RASSF3: variants seen among roughly 807,000 people sequenced by gnomAD.
RASSF3 encodes the protein Ras association domain family member 3.
Under a neutral mutation model 19.9 loss-of-function variants are expected in RASSF3, and 19 were observed. The ratio of observed to expected loss-of-function variants is 0.96; its 90% CI spans 0.67 to 1.40. The LOEUF is 1.40. RASSF3 is among the 40% of genes most tolerant of loss of function. The probability of loss-of-function intolerance (pLI) is 0.00; values close to 1 mark genes in which losing one functional copy is unlikely to be tolerated. For synonymous variants in RASSF3, 110 were observed against 104.2 expected (o/e 1.06, Z -0.34); for missense variants, 306 against 289.8 (o/e 1.06, Z -0.41).
chr12:64,677,758 A>G (rs1299074382), intron 1 of RASSF3, among the ~76,000 whole-genome samples: 1 of 152,216 alleles, frequency 6.6e-6, no homozygotes, highest in Admixed American at 6.5e-5. Context: ...TCTGTGTGAC[A>G]GTTCTCTTTG....
At chr12:64,691,225 A>G (rs1350261779) in intron 3 of RASSF3, among the ~76,000 whole-genome samples, 1 of 152,240 alleles carries the variant, frequency 6.6e-6, no homozygotes, top group Non-Finnish European at 1.5e-5. Context: ...ACTAATATCT[A>G]TTAAAATTTA....
At chr12:64,659,950 ACGTGTGTG>A (rs1347000025) in intron 1 of RASSF3, among the ~76,000 whole-genome samples, 26 of 103,800 alleles carry the variant, frequency 2.5e-4, no homozygotes, top group African/African-American at 8.7e-4. Context: ...TTCATCTAAT[ACGTGTGTG>A]TGTGTGTGTG....
At chr12:64,621,508 G>C (rs533346200) in intron 1 of RASSF3, among the ~76,000 whole-genome samples, 2 of 151,730 alleles carry the variant, frequency 1.3e-5, no homozygotes, top group South Asian at 4.2e-4. Context: ...ATGGAGTTTC[G>C]GTCATGTTGC....
At chr12:64,584,724 G>C (rs1026598235) in intron 2 of RASSF3, among the ~76,000 whole-genome samples, 16 of 151,940 alleles carry the variant, frequency 1.1e-4, no homozygotes, top group African/African-American at 3.9e-4. Flanking sequence ...AGTGGTTAGG[G>C]AGAGGCCTCA....
chr12:64,552,406 G>T (rs1362086353), intron 2 of RASSF3, among the ~76,000 whole-genome samples: 1 of 152,048 alleles, frequency 6.6e-6, no homozygotes, highest in African/African-American at 2.4e-5. Context: ...ACATGTGCAG[G>T]ATGTGCAGAT....
intron 3 of RASSF3, 62 bp from the exon 4 acceptor site, chr12:64,691,408 T>G: frequency 9.1e-7 from 1 of 1,104,516 alleles, no homozygotes; most frequent in Non-Finnish European, 1.4e-6. Flanking sequence ...GGGATCACAA[T>G]GGGGAAGTGG....
intron 2 of RASSF3, among the ~76,000 whole-genome samples, chr12:64,563,310 G>T (rs565378691): frequency 1.3e-5 from 2 of 151,900 alleles, no homozygotes; most frequent in Non-Finnish European, 2.9e-5. Flanking sequence ...GGGATTACAG[G>T]CACCTGCCAC....
chr12:64,632,428 C>T (rs1294216590), intron 1 of RASSF3, among the ~76,000 whole-genome samples: 1 of 151,990 alleles, frequency 6.6e-6, no homozygotes, highest in East Asian at 1.9e-4. Context: ...GTTTAGAGGG[C>T]AAGAGGGGTA....
chr12:64,591,905 TG>T (rs1869929854), intron 2 of RASSF3, among the ~76,000 whole-genome samples: 1 of 148,854 alleles, frequency 6.7e-6, no homozygotes, highest in Admixed American at 6.6e-5. Context: ...CTTCGGTTGC[TG>T]TTTTTTTTTT....
downstream of RASSF3, among the ~76,000 whole-genome samples, chr12:64,546,636 C>CT (rs1565836824): frequency 1.3e-5 from 2 of 152,300 alleles, no homozygotes; most frequent in African/African-American, 4.8e-5. Flanking sequence ...CTGCACTTAA[C>CT]TTTTTTTCTT....
chr12:64,550,838 G>A (rs201202042), intron 2 of RASSF3, among the ~76,000 whole-genome samples: 41,742 of 110,802 alleles, frequency 0.38, 8,750 homozygotes, highest in East Asian at 0.67. Context: ...AAAAAAGAAA[G>A]AAAGAAAGGA....
Position 64,516,899 on chromosome 12 carries a change from G to A in RASSF3, c.169+9570G>A, listed in dbSNP as rs11175427. On this transcript the variant is annotated intron_variant, in intron 1 of 5. Coordinates refer to the RASSF3 transcript ENST00000637125. ...CTGTAATCCCAGCTACTCCGCAGGC[G>A]GAGGCAGGAGAATCAATTGAACCTG... Among the ~76,000 whole-genome samples the A allele has an allele frequency of 2.0e-5, 3 of 149,944 alleles. No homozygotes were observed. In the East Asian group the frequency reaches 5.9e-4, roughly 30 times the overall value.
intron 1 of RASSF3, among the ~76,000 whole-genome samples, chr12:64,680,903 C>T (rs982094657): frequency 2.6e-5 from 4 of 152,110 alleles, no homozygotes; most frequent in South Asian, 2.1e-4. Flanking sequence ...TGAGCCACCG[C>T]GCCCAGCCAG....
chr12:64,689,295 G>GT (rs1756289949), intron 3 of RASSF3, among the ~76,000 whole-genome samples: 1 of 151,748 alleles, frequency 6.6e-6, no homozygotes, highest in South Asian at 2.1e-4. Flanking sequence ...AAAGCCTAAT[G>GT]TAGCTATAGA....
In RASSF3 at chr12:64,586,669, T is replaced by A. The variant is rs531299292; in HGVS notation, c.294+44964T>A. ...CAGGCATTATGGCTCACGCCTGTAATCCCAGCACTTTGGGAGGCCGAGGCA... is the reference window on the plus strand; with the variant it reads ...CAGGCATTATGGCTCACGCCTGTAAACCCAGCACTTTGGGAGGCCGAGGCA... On this transcript the variant is annotated intron_variant, in intron 2 of 5. Transcript: ENST00000637125. Among the ~76,000 whole-genome samples the A allele has an allele frequency of 4.6e-5, 7 of 152,158 alleles. No individual in the cohort carries two copies. The East Asian group carries it at 1.2e-3, about 25-fold the overall frequency.
At chr12:64,542,424 A>G (rs745569336), downstream of RASSF3, among the ~76,000 whole-genome samples, 1 of 152,226 alleles carries the variant, frequency 6.6e-6, no homozygotes, top group African/African-American at 2.4e-5. Context: ...CAACTGGTAG[A>G]ACTAGTAGAT....
intron 2 of RASSF3, among the ~76,000 whole-genome samples, chr12:64,554,217 A>G (rs17100434): frequency 0.028 from 4,217 of 152,324 alleles, 209 homozygotes; most frequent in African/African-American, 0.096. Flanking sequence ...CAATGCTGTC[A>G]AAATTCAGAT....
Position 64,566,078 on chromosome 12 carries a change from A to G in RASSF3, c.294+24373A>G, listed in dbSNP as rs908743760. Among the ~76,000 whole-genome samples the G allele has an allele frequency of 4.6e-5, 7 of 151,408 alleles. No individual in the cohort carries two copies. In the East Asian group the frequency reaches 1.4e-3, roughly 30 times the overall value. On this transcript the variant is annotated intron_variant, in intron 2 of 5. Coordinates refer to the RASSF3 transcript ENST00000637125. ...GAGCTGGGTGTGGTGGCAGGCACCT[A>G]TAGTCCCAGCTACTCAGGAGGCTGA...
At chr12:64,513,761 T>C (rs1868342908) in intron 1 of RASSF3, among the ~76,000 whole-genome samples, 1 of 152,120 alleles carries the variant, frequency 6.6e-6, no homozygotes, top group African/African-American at 2.4e-5. Context: ...GAGACAAACC[T>C]GTAGACCATG....
Sources: gnomAD v4.1 joint callset for allele counts (sites outside exome capture counted in the v4.1 genomes callset) on GRCh38, gnomAD v4.1.1 for gene constraint, MANE v1.5 for transcripts, NCBI Gene and HGNC (gene_info 2026-07-23, HGNC 2026-07-21) for gene names.